Variants in CPVL observed in about 807,000 individuals in gnomAD.
The protein encoded by CPVL is carboxypeptidase vitellogenic like.
CPVL carries 51 observed loss-of-function variants against 63.7 expected under a neutral mutation model. That is an observed-to-expected ratio of 0.80 (90% CI 0.64 to 1.01). The LOEUF is 1.01. CPVL is among the 50% of genes least tolerant of loss of function. The probability of loss-of-function intolerance (pLI) is 0.00; values close to 1 mark genes in which losing one functional copy is unlikely to be tolerated. For missense variants in CPVL, 530 were observed against 573.1 expected (o/e 0.92, Z 0.77); for synonymous variants, 195 against 206.0 (o/e 0.95, Z 0.46).
At chr7:29,036,927 C>A (rs1197920261) in intron 11 of CPVL, among the ~76,000 whole-genome samples, 1 of 152,048 alleles carries the variant, frequency 6.6e-6, no homozygotes, top group Non-Finnish European at 1.5e-5. Flanking sequence ...TACCATGATC[C>A]CCCAACAGGT....
intron 9 of CPVL, among the ~76,000 whole-genome samples, chr7:29,069,064 C>T (rs1783441009): frequency 6.6e-6 from 1 of 152,054 alleles, no homozygotes; most frequent in African/African-American, 2.4e-5. Context: ...ATTTTTGGAA[C>T]TCATTGTTAG....
chr7:29,047,088 T>C (rs1789696649), intron 11 of CPVL, among the ~76,000 whole-genome samples: 1 of 152,220 alleles, frequency 6.6e-6, no homozygotes, highest in Non-Finnish European at 1.5e-5. Flanking sequence ...TTTCTTTTCC[T>C]TCCCTTCCTT....
chr7:29,142,582 A>G (rs946680805), intron 1 of CPVL, among the ~76,000 whole-genome samples: 2 of 137,622 alleles, frequency 1.5e-5, no homozygotes, highest in Non-Finnish European at 3.0e-5. Flanking sequence ...GCTGGAGTGT[A>G]GTGGTGCAAT....
At chr7:29,108,555 T>C (rs894481992) in intron 3 of CPVL, among the ~76,000 whole-genome samples, 2 of 152,184 alleles carry the variant, frequency 1.3e-5, no homozygotes, top group African/African-American at 4.8e-5. Context: ...CCTCTCAAAT[T>C]GTGACTGGTT....
intron 11 of CPVL, among the ~76,000 whole-genome samples, chr7:29,037,651 G>A (rs541185546): frequency 2.0e-5 from 3 of 151,886 alleles, no homozygotes; most frequent in East Asian, 1.9e-4. Context: ...AGTACACAAC[G>A]GTACAACAAT....
intron 5 of CPVL, among the ~76,000 whole-genome samples, chr7:29,178,293 T>G (rs139861723): frequency 3.9e-4 from 60 of 152,306 alleles, no homozygotes; most frequent in African/African-American, 1.3e-3. Context: ...TGGCTTCCCA[T>G]TGTGTCTAGA....
At chr7:29,102,398 CACTAGATTAAGT>C (rs1787240137) in intron 3 of CPVL, among the ~76,000 whole-genome samples, 1 of 151,800 alleles carries the variant, frequency 6.6e-6, no homozygotes, top group Non-Finnish European at 1.5e-5. Flanking sequence ...AATGGAGAGA[CACTAGATTAAGT>C]ACTTAAAGAA....
At chr7:29,167,825 G>A (rs531547536) in intron 5 of CPVL, among the ~76,000 whole-genome samples, 10 of 152,342 alleles carry the variant, frequency 6.6e-5, no homozygotes, top group African/African-American at 2.2e-4. Flanking sequence ...TTATGAGTGA[G>A]TTTGACTTGT....
At position 29,086,671 on chromosome 7, in the gene CPVL, CT is replaced by C; in HGVS notation, c.543-122del. 5.5e-6 allele frequency: 4 copies of C among 722,522 alleles called. No homozygotes were observed. In the South Asian group the frequency reaches 6.4e-5, roughly 12 times the overall value. 44.8% of individuals were successfully genotyped at this position (722,522 alleles called of 1,614,324 possible). Reference sequence around the variant, plus strand: ...GTTTCACACTTGAAATAAGATACCACTCTGCTATGAGCTCCTGTAGGACATT... The same window carrying C: ...GTTTCACACTTGAAATAAGATACCACCTGCTATGAGCTCCTGTAGGACATT... On this transcript the variant is annotated intron_variant, in intron 6 of 12. Transcript: ENST00000265394.
intron 10 of CPVL, among the ~76,000 whole-genome samples, chr7:29,064,674 T>C (rs184204037): frequency 6.6e-6 from 1 of 152,266 alleles, no homozygotes; most frequent in East Asian, 1.9e-4. Context: ...TAAGAATTTC[T>C]TTTCTGTGTT....
intron 3 of CPVL, among the ~76,000 whole-genome samples, chr7:29,103,924 A>G (rs1037903857): frequency 6.6e-6 from 1 of 152,222 alleles, no homozygotes; most frequent in Admixed American, 6.5e-5. Context: ...CCCCAAGTAA[A>G]TGTCTTTAAA....
At chr7:29,163,175 T>A (rs1795427180) in intron 5 of CPVL, among the ~76,000 whole-genome samples, 1 of 152,244 alleles carries the variant, frequency 6.6e-6, no homozygotes, top group South Asian at 2.1e-4. Context: ...TATGGGAAAA[T>A]TTTTAAGCAT....
intron 3 of CPVL, among the ~76,000 whole-genome samples, chr7:29,106,460 C>G (rs1180909297): frequency 6.6e-6 from 1 of 152,038 alleles, no homozygotes; most frequent in Non-Finnish European, 1.5e-5. Flanking sequence ...TGTCCCCACC[C>G]CCCACCTCAA....
intron 12 of CPVL, among the ~76,000 whole-genome samples, chr7:28,996,989 C>T (rs1413253293): frequency 1.3e-5 from 2 of 152,158 alleles, no homozygotes; most frequent in Admixed American, 6.5e-5. Flanking sequence ...TAACCCAAGC[C>T]CTTGTTGGGT....
At chr7:29,099,321 C>T (rs1786816487) in intron 3 of CPVL, among the ~76,000 whole-genome samples, 1 of 152,146 alleles carries the variant, frequency 6.6e-6, no homozygotes, top group Non-Finnish European at 1.5e-5. Context: ...GCTCCTGTAG[C>T]CCACAACTTC....
At chr7:29,018,866 A>G (rs1312806326) in intron 12 of CPVL, among the ~76,000 whole-genome samples, 2 of 152,198 alleles carry the variant, frequency 1.3e-5, no homozygotes, top group Non-Finnish European at 2.9e-5. Flanking sequence ...TGGGTTGTCA[A>G]CAGACAAGGA....
At chr7:29,169,113 C>T (rs1796283645) in intron 5 of CPVL, among the ~76,000 whole-genome samples, 1 of 151,918 alleles carries the variant, frequency 6.6e-6, no homozygotes, top group African/African-American at 2.4e-5. Context: ...ATGGAATTTT[C>T]CCCATTTTAT....
intron 12 of CPVL, among the ~76,000 whole-genome samples, chr7:29,015,076 C>G (rs1406826440): frequency 6.6e-6 from 1 of 152,196 alleles, no homozygotes; most frequent in Non-Finnish European, 1.5e-5. Context: ...AGTCAAGAAA[C>G]AAACAAAAGT....
At chr7:29,018,471 C>G (rs1199833964) in intron 12 of CPVL, among the ~76,000 whole-genome samples, 2 of 151,314 alleles carry the variant, frequency 1.3e-5, no homozygotes, top group Non-Finnish European at 2.9e-5. Flanking sequence ...CTCTGCCTCC[C>G]AAGTTCAAGC....
Sources: allele counts gnomAD v4.1 joint callset (sites outside exome capture counted in the v4.1 genomes callset), GRCh38; gene constraint gnomAD v4.1.1; transcripts MANE v1.5; gene names NCBI Gene and HGNC (gene_info 2026-07-23, HGNC 2026-07-21).